Variants in ANKIB1 observed in about 807,000 individuals in gnomAD.
ANKIB1 encodes ankyrin repeat and IBR domain-containing protein 1.
Under a neutral mutation model 122.1 loss-of-function variants are expected in ANKIB1, and 43 were observed. That is an observed-to-expected ratio of 0.35 (90% CI 0.28 to 0.45). The LOEUF is 0.45. Ranked by LOEUF, ANKIB1 falls within the 20% of genes least tolerant of loss-of-function variation. ANKIB1 has a pLI of 1.00. For missense variants in ANKIB1, 992 were observed against 1,329.5 expected (o/e 0.75, Z 3.95); for synonymous variants, 390 against 442.0 (o/e 0.88, Z 1.48).
At chr7:92,306,694 A>C (rs1238519673) in intron 2 of ANKIB1, among the ~76,000 whole-genome samples, 1 of 152,118 alleles carries the variant, frequency 6.6e-6, no homozygotes, top group Non-Finnish European at 1.5e-5. Context: ...CAGCGTCCAC[A>C]ACTGTGAGAA....
intron 1 of ANKIB1, among the ~76,000 whole-genome samples, chr7:92,261,121 G>A (rs1039010230): frequency 6.6e-5 from 10 of 151,950 alleles, no homozygotes; most frequent in South Asian, 4.2e-4. Context: ...AGGCCGAGGC[G>A]GGCGGATCAC....
intron 14 of ANKIB1, among the ~76,000 whole-genome samples, chr7:92,388,366 TAGTC>T (rs565942995): frequency 4.9e-4 from 75 of 152,328 alleles, no homozygotes; most frequent in African/African-American, 1.7e-3. Flanking sequence ...ATCACTGACT[TAGTC>T]AGAGGAGCAA....
chr7:92,389,526 A>G (rs1804738788), intron 14 of ANKIB1, among the ~76,000 whole-genome samples: 2 of 151,896 alleles, frequency 1.3e-5, no homozygotes, highest in African/African-American at 4.8e-5. Context: ...CTTTTTCCTT[A>G]CGGTATTGGT....
chr7:92,261,166 G>A (rs1585075907), intron 1 of ANKIB1, among the ~76,000 whole-genome samples: 1 of 151,646 alleles, frequency 6.6e-6, no homozygotes, highest in Admixed American at 6.6e-5. Flanking sequence ...TGGCTAACAC[G>A]GTGAAACCCC....
chr7:92,331,181 A>C (rs1371040003), intron 5 of ANKIB1, among the ~76,000 whole-genome samples: 5 of 152,086 alleles, frequency 3.3e-5, no homozygotes, highest in Admixed American at 6.6e-5. Flanking sequence ...AATAGTCCAA[A>C]GCATTTCCAT....
rs980118919 is a variant in ANKIB1, at chr7:92,384,364, T to G, written c.1618-2145T>G. On this transcript the variant is annotated intron_variant, in intron 11 of 19. Transcript: ENST00000265742. Reference sequence around the variant, plus strand: ...CCCATCAAGCTACCAATGACTTTCTTTACAGAATTGGAAAAAACTACTTTA... The same window carrying G: ...CCCATCAAGCTACCAATGACTTTCTGTACAGAATTGGAAAAAACTACTTTA... Among the ~76,000 whole-genome samples the G allele has an allele frequency of 1.3e-4, 20 of 152,142 alleles. 1 individual carries two copies. Among genetic ancestry groups the G allele is most frequent in the East Asian group, 9.6e-4 (5 of 5,190 alleles).
chr7:92,300,233 C>G (rs555416716), intron 2 of ANKIB1, among the ~76,000 whole-genome samples: 16 of 152,236 alleles, frequency 1.1e-4, no homozygotes, highest in African/African-American at 3.4e-4. Flanking sequence ...CTATTGAATG[C>G]GTATTTAAAG....
intron 1 of ANKIB1, among the ~76,000 whole-genome samples, chr7:92,248,396 G>A (rs1007450982): frequency 1.3e-5 from 2 of 152,210 alleles, no homozygotes; most frequent in African/African-American, 4.8e-5. Flanking sequence ...ACTTCTCAAA[G>A]AGTGGGTTTT....
At chr7:92,270,892 A>C (rs1190187614) in intron 1 of ANKIB1, among the ~76,000 whole-genome samples, 3 of 151,850 alleles carry the variant, frequency 2.0e-5, no homozygotes, top group Non-Finnish European at 4.4e-5. Context: ...ATTTTCTCCC[A>C]GTCTGTAGTT....
intron 4 of ANKIB1, among the ~76,000 whole-genome samples, chr7:92,324,061 G>C (rs975811353): frequency 6.6e-6 from 1 of 152,184 alleles, no homozygotes; most frequent in African/African-American, 2.4e-5. Context: ...AGAACTAGGG[G>C]CAGGGAAGAG....
intron 9 of ANKIB1, 22 bp downstream of exon 9, chr7:92,352,664 A>G: frequency 1.9e-6 from 3 of 1,577,306 alleles, no homozygotes; most frequent in Non-Finnish European, 2.6e-6. Flanking sequence ...ACAAGTTGGA[A>G]TCAGCCTAAT....
chr7:92,362,342 C>A, intron 10 of ANKIB1, 69 bp downstream of exon 10: 1 of 1,374,142 alleles, frequency 7.3e-7, no homozygotes, highest in South Asian at 1.3e-5. Flanking sequence ...GTGGTCATAT[C>A]TTTTTTAGTC....
At chr7:92,294,573 G>A (rs1802313775) in intron 1 of ANKIB1, 1 of 248,806 alleles carries the variant, frequency 4.0e-6, no homozygotes, top group Non-Finnish European at 7.6e-6. Flanking sequence ...ATAAAATTCA[G>A]TCAAGCTCAT....
intron 11 of ANKIB1, among the ~76,000 whole-genome samples, chr7:92,375,532 A>G (rs1311060208): frequency 1.3e-5 from 2 of 152,180 alleles, no homozygotes; most frequent in African/African-American, 4.8e-5. Flanking sequence ...CCCCAATTCA[A>G]GTTTTATCAT....
intron 1 of ANKIB1, among the ~76,000 whole-genome samples, chr7:92,287,469 T>C (rs992963892): frequency 3.9e-5 from 6 of 152,244 alleles, no homozygotes; most frequent in African/African-American, 1.4e-4. Context: ...ACAAGAGTAC[T>C]ACAGAACTTA....
intron 1 of ANKIB1, among the ~76,000 whole-genome samples, chr7:92,251,784 A>T (rs992711511): frequency 2.0e-5 from 3 of 152,184 alleles, no homozygotes; most frequent in African/African-American, 7.2e-5. Flanking sequence ...CTACTGTCCA[A>T]AGAAGAAAAT....
At chr7:92,281,333 T>C (rs1802008583) in intron 1 of ANKIB1, among the ~76,000 whole-genome samples, 1 of 152,184 alleles carries the variant, frequency 6.6e-6, no homozygotes, top group Non-Finnish European at 1.5e-5. Flanking sequence ...ACTGCATTAT[T>C]TATACAAACA....
intron 9 of ANKIB1, among the ~76,000 whole-genome samples, chr7:92,356,439 A>T (rs1803814323): frequency 6.6e-6 from 1 of 152,242 alleles, no homozygotes; most frequent in Non-Finnish European, 1.5e-5. Context: ...CCAGAAATAA[A>T]AACATGATAC....
At chr7:92,327,942 C>A (rs1398976108) in intron 5 of ANKIB1, 42 bp downstream of exon 5, 21 of 1,329,968 alleles carry the variant, frequency 1.6e-5, no homozygotes, top group Admixed American at 2.7e-5. Context: ...ACATGAGTAA[C>A]TTTTGAAACT....
Sources: allele counts gnomAD v4.1 joint callset (sites outside exome capture counted in the v4.1 genomes callset), GRCh38; gene constraint gnomAD v4.1.1; transcripts MANE v1.5; gene names NCBI Gene and HGNC (gene_info 2026-07-23, HGNC 2026-07-21).